The following EMG1 variants were observed in gnomAD, a reference collection of about 807,000 sequenced individuals.
The protein encoded by EMG1 is ribosomal RNA small subunit methyltransferase NEP1.
In EMG1, 24 loss-of-function variants were observed where a neutral mutation model predicts 26.9. That is an observed-to-expected ratio of 0.89 (90% CI 0.65 to 1.26). The LOEUF (loss-of-function observed/expected upper bound fraction) is 1.26, where lower values mean the gene tolerates loss of function less well. Ranked by LOEUF, EMG1 falls within the 50% of genes most tolerant of loss-of-function variation. The probability of loss-of-function intolerance (pLI) is 0.00; values close to 1 mark genes in which losing one functional copy is unlikely to be tolerated. For synonymous variants in EMG1, 140 were observed against 112.6 expected, an observed-to-expected ratio of 1.24 and a Z score of -1.54; for missense variants, 299 against 307.6, an observed-to-expected ratio of 0.97 and a Z score of 0.21.
Position 6,975,254 on chromosome 12 carries a change from A to C in EMG1, c.497A>C (p.His166Pro). The C allele has an allele frequency of 1.2e-6, 2 of 1,613,758 alleles. No homozygotes were observed. The highest frequency in any genetic ancestry group is 1.7e-6 in the Non-Finnish European group (2 of 1,179,736). ...GTAATTAAGAATCCAGTATCAGATCACTTTCCAGTTGGATGTATGAAAGTT... is the reference window on the plus strand; with the variant it reads ...GTAATTAAGAATCCAGTATCAGATCCCTTTCCAGTTGGATGTATGAAAGTT... ...LKVIKNPVSD[H>P]FPVGCMKVGT... The change falls in exon 5 of 6, where the codon CAC (histidine) becomes CCC (proline). Residue 166 changes from histidine (H) to proline (P), a missense_variant. Transcript: ENST00000599672.
At position 6,975,059 on chromosome 12, in the gene EMG1, C is replaced by T; in HGVS notation, c.413-31C>T. On this transcript the variant is annotated intron_variant, in intron 3 of 5. Transcript: ENST00000599672. ...TGGACAGAAGGACTGTGGTCTCCAT[C>T]TAGCTCTGAACTCTTTTTTCCCCCT... 2.5e-6 allele frequency: 4 copies of T among 1,610,836 alleles called. No individual in the cohort carries two copies. In the South Asian group the frequency reaches 3.3e-5, roughly 13 times the overall value.
At chr12:6,992,668 CA>C (rs1232281287), downstream of EMG1, among the ~76,000 whole-genome samples, 2 of 152,164 alleles carry the variant, frequency 1.3e-5, no homozygotes, top group Non-Finnish European at 2.9e-5. Context: ...TTCTAATACC[CA>C]AATCCACTAG....
At position 6,978,751 on chromosome 12, in the gene EMG1, C is replaced by T; in HGVS notation, c.*2942C>T. 1 of 1,594,580 alleles carries T rather than the reference C, an allele frequency of 6.3e-7. No individual in the cohort carries two copies. On this transcript the variant is annotated 3_prime_UTR_variant, in exon 6 of 6. Coordinates refer to ENST00000599672, the MANE Select transcript of EMG1 (RefSeq NM_006331.8). ...CATGACTAGGCAGTTTCTCTCAGCA[C>T]TCTTCCTTTTCACACTTGTGGCTGG...
chr12:6,979,999 A>G (rs1555153865), downstream of EMG1: 1 of 161,968 alleles, frequency 6.2e-6, no homozygotes, highest in Admixed American at 6.4e-5. Context: ...TTCTCAGTGA[A>G]GGAATTCTTC....
chr12:6,992,266 G>C (rs932783718), downstream of EMG1, among the ~76,000 whole-genome samples: 2 of 151,906 alleles, frequency 1.3e-5, no homozygotes, highest in African/African-American at 4.8e-5. Context: ...CCAGGAAGTT[G>C]AGGCGGCAGT....
intron 6 of EMG1, among the ~76,000 whole-genome samples, chr12:6,985,461 C>T (rs1946514153): frequency 1.3e-5 from 2 of 151,888 alleles, no homozygotes; most frequent in Non-Finnish European, 2.9e-5. Context: ...GCCTGTAAAC[C>T]AAGGCACTTT....
Position 6,979,669 on chromosome 12 carries a change from G to A in EMG1, c.*3860G>A. 1.1e-6 allele frequency: 1 copy of A among 883,634 alleles called. No individual in the cohort carries two copies. The highest frequency in any genetic ancestry group is 2.5e-5 in the East Asian group (1 of 39,736). 54.7% of individuals were successfully genotyped at this position (883,634 alleles called of 1,614,324 possible). A position where few individuals can be genotyped will look rare whatever the true frequency, so the allele number is the denominator to read the frequency against. On this transcript the variant is annotated 3_prime_UTR_variant, in exon 6 of 6. Transcript: ENST00000599672. ...CTTCAGTTATGGAGAGGAGTGTTTA[G>A]GGGTGTGGTTGTCTACCTGGAATGG...
chr12:6,981,972 T>C (rs1555154166), downstream of EMG1: 3 of 848,794 alleles, frequency 3.5e-6, no homozygotes, highest in African/African-American at 5.0e-5. Flanking sequence ...AAATTCAATG[T>C]TCTCTTTCCT....
chr12:6,985,446 C>T (rs1946513970), intron 6 of EMG1, among the ~76,000 whole-genome samples: 1 of 151,842 alleles, frequency 6.6e-6, no homozygotes, highest in South Asian at 2.1e-4. Flanking sequence ...GGTGCAGTGG[C>T]TCACGCCTGT....
chr12:6,985,417 A>G (rs1555154700), intron 6 of EMG1, among the ~76,000 whole-genome samples: 1 of 151,226 alleles, frequency 6.6e-6, no homozygotes, highest in Non-Finnish European at 1.5e-5. Flanking sequence ...ATAAAACAAA[A>G]CAAAAAACTG....
In EMG1 at chr12:6,977,533, G is replaced by A. The variant is rs782462102; in HGVS notation, c.*1724G>A. Reference sequence around the variant, plus strand: ...TTGAATGAGCCTGGCAGCCTGGGGAGGGAGGAGGAGCTCATCAGCATCTTG... The same window carrying A: ...TTGAATGAGCCTGGCAGCCTGGGGAAGGAGGAGGAGCTCATCAGCATCTTG... On this transcript the variant is annotated 3_prime_UTR_variant, in exon 6 of 6. Coordinates refer to ENST00000599672, the MANE Select transcript of EMG1 (RefSeq NM_006331.8). The surrounding 1 kb of genome is among the most constrained non-coding windows in gnomAD (Gnocchi z 4.5). 1 of 1,614,170 alleles carries A rather than the reference G, an allele frequency of 6.2e-7. No homozygotes were observed. Among genetic ancestry groups the A allele is most frequent in the Non-Finnish European group, 8.5e-7 (1 of 1,180,032 alleles).
At chr12:6,989,072 G>A (rs1246078553), downstream of EMG1, among the ~76,000 whole-genome samples, 2 of 151,162 alleles carry the variant, frequency 1.3e-5, no homozygotes, top group African/African-American at 4.9e-5. Context: ...GTGGTGAGCC[G>A]AGATCACGCC....
chr12:6,991,826 T>C (rs1555155519), downstream of EMG1, among the ~76,000 whole-genome samples: 1 of 152,204 alleles, frequency 6.6e-6, no homozygotes, highest in East Asian at 1.9e-4. Flanking sequence ...CTTTTCCTTG[T>C]GACAACCACC....
downstream of EMG1, among the ~76,000 whole-genome samples, chr12:6,989,709 G>T (rs1024873805): frequency 1.3e-5 from 2 of 152,120 alleles, no homozygotes; most frequent in Admixed American, 1.3e-4. Flanking sequence ...TCAGTCTCTG[G>T]ACTTCACTCA....
chr12:6,988,171 C>T (rs782144248), exon 8 of EMG1: 1 of 197,964 alleles, frequency 5.1e-6, no homozygotes, highest in Non-Finnish European at 1.0e-5. Flanking sequence ...TTTTCAGGTG[C>T]GTTTTGCAGG....
At chr12:6,995,828 T>A (rs1428006855) in intron 7 of EMG1, among the ~76,000 whole-genome samples, 2 of 152,080 alleles carry the variant, frequency 1.3e-5, no homozygotes, top group Admixed American at 1.3e-4. Context: ...TCTGACCACT[T>A]CTCTCCGCCT....
chr12:6,983,546 G>A (rs781829217), downstream of EMG1: 4 of 1,552,296 alleles, frequency 2.6e-6, no homozygotes, highest in East Asian at 9.0e-5. Flanking sequence ...TAACCTAGAT[G>A]GGGGAAAAGA....
At chr12:6,981,030 A>G (rs782141427), downstream of EMG1, 2 of 1,604,676 alleles carry the variant, frequency 1.2e-6, no homozygotes, top group South Asian at 1.1e-5. Context: ...CTGGTATGTC[A>G]ATCAGCTCTC....
At position 6,977,356 on chromosome 12, in the gene EMG1, C is replaced by CCTTAAGCCTTCACTTG; in HGVS notation, c.*1550_*1551insAAGCCTTCACTTGCTT. 6.2e-7 allele frequency: 1 copy of CCTTAAGCCTTCACTTG among 1,614,128 alleles called. No homozygotes were observed. Among genetic ancestry groups the CCTTAAGCCTTCACTTG allele is most frequent in the Non-Finnish European group, 8.5e-7 (1 of 1,179,980 alleles). On this transcript the variant is annotated 3_prime_UTR_variant, in exon 6 of 6. Transcript: ENST00000599672. The surrounding 1 kb of genome is among the most constrained non-coding windows in gnomAD (Gnocchi z 4.5). Reference sequence around the variant, plus strand: ...AGTCCCTCCCAGTCTCACAAGCAGGCCTTCACTTGCCTTAAGCCATTTGTC... The same window carrying CCTTAAGCCTTCACTTG: ...AGTCCCTCCCAGTCTCACAAGCAGGCCTTAAGCCTTCACTTGCTTCACTTGCCTTAAGCCATTTGTC...
Sources: allele counts gnomAD v4.1 joint callset (sites outside exome capture counted in the v4.1 genomes callset), GRCh38; gene constraint gnomAD v4.1.1; non-coding constraint Gnocchi (gnomAD v3.1); transcripts MANE v1.5; gene names NCBI Gene and HGNC (gene_info 2026-07-23, HGNC 2026-07-21).